Variants in MEI4 observed in about 807,000 individuals in gnomAD.
The protein encoded by MEI4 is meiosis-specific protein MEI4.
A neutral mutation model predicts 31.4 loss-of-function variants in MEI4; 27 were observed. The ratio of observed to expected loss-of-function variants is 0.86; its 90% confidence interval spans 0.63 to 1.19. The LOEUF (loss-of-function observed/expected upper bound fraction) is 1.19. Ranked by LOEUF, MEI4 falls within the 50% of genes most tolerant of loss-of-function variation. The pLI is 0.00. For synonymous variants in MEI4, 122 were observed against 145.4 expected (o/e 0.84, Z 1.16); for missense variants, 329 against 398.9 (o/e 0.82, Z 1.49).
intron 2 of MEI4, among the ~76,000 whole-genome samples, chr6:77,699,413 C>G (rs13191190): frequency 1.3e-5 from 2 of 151,410 alleles, no homozygotes; most frequent in African/African-American, 4.8e-5. Context: ...GGGATGGTCT[C>G]GATCTCCTGA....
At chr6:77,662,910 T>A (rs1562196297) in intron 1 of MEI4, among the ~76,000 whole-genome samples, 1 of 152,146 alleles carries the variant, frequency 6.6e-6, no homozygotes. Flanking sequence ...ATGGGGGCTG[T>A]CTGTGAAGCT....
intron 4 of MEI4, among the ~76,000 whole-genome samples, chr6:77,905,649 A>G (rs1350359855): frequency 2.0e-5 from 3 of 151,570 alleles, no homozygotes; most frequent in Non-Finnish European, 2.9e-5. Flanking sequence ...GATGTGTGCC[A>G]GCATGCCTAG....
intron 2 of MEI4, among the ~76,000 whole-genome samples, chr6:77,730,168 T>A (rs1391130838): frequency 1.3e-5 from 2 of 152,090 alleles, no homozygotes; most frequent in Non-Finnish European, 2.9e-5. Context: ...GCTGTGTGTT[T>A]GGCGTGTACA....
chr6:77,867,985 G>A (rs148286053), intron 4 of MEI4, among the ~76,000 whole-genome samples: 1,575 of 151,306 alleles, frequency 0.01, 26 homozygotes, highest in African/African-American at 0.035. Flanking sequence ...ACCAAACACC[G>A]CATGTTCTCA....
At chr6:77,738,069 G>A (rs527936157) in intron 2 of MEI4, among the ~76,000 whole-genome samples, 3 of 152,266 alleles carry the variant, frequency 2.0e-5, no homozygotes, top group South Asian at 2.1e-4. Context: ...GGACATCCAC[G>A]AAACTGGAAT....
At chr6:77,725,029 G>A (rs1365000767) in intron 2 of MEI4, among the ~76,000 whole-genome samples, 1 of 131,526 alleles carries the variant, frequency 7.6e-6, no homozygotes, top group South Asian at 2.4e-4. Flanking sequence ...CATACTGTAA[G>A]TGGAATGATA....
At chr6:77,752,450 C>T (rs1208629098) in intron 2 of MEI4, among the ~76,000 whole-genome samples, 2 of 152,154 alleles carry the variant, frequency 1.3e-5, no homozygotes, top group African/African-American at 4.8e-5. Context: ...AAATCACAAG[C>T]ATTCTTATAC....
chr6:77,692,727 T>C (rs1327723739), intron 2 of MEI4, among the ~76,000 whole-genome samples: 3 of 152,042 alleles, frequency 2.0e-5, no homozygotes, highest in Non-Finnish European at 4.4e-5. Flanking sequence ...ACTGAATGGA[T>C]TGTGATACTT....
intron 2 of MEI4, among the ~76,000 whole-genome samples, chr6:77,757,701 T>C (rs1238427039): frequency 6.6e-6 from 1 of 152,260 alleles, no homozygotes; most frequent in Non-Finnish European, 1.5e-5. Context: ...ATGCAATTGT[T>C]CTGTTTTTTA....
Position 77,885,264 on chromosome 6 carries a change from C to G in MEI4, c.901-37825C>G, listed in dbSNP as rs551749292. Among the ~76,000 whole-genome samples, 213 of 151,868 alleles carry G rather than the reference C, an allele frequency of 1.4e-3. 1 individual carries two copies. Among genetic ancestry groups the G allele is most frequent in the African/African-American group, 4.5e-3 (187 of 41,396 alleles). On this transcript the variant is annotated intron_variant, in intron 4 of 4. Transcript: ENST00000684080. ...GCAGTGGTGCAGTCATAGCTCACTG[C>G]AGCCTCAACCTTCCAGGCTCAAGCA...
intron 4 of MEI4, among the ~76,000 whole-genome samples, chr6:77,910,169 A>C (rs1283325133): frequency 2.0e-5 from 3 of 152,172 alleles, no homozygotes; most frequent in African/African-American, 7.2e-5. Flanking sequence ...GCCCTCTCTC[A>C]GCACTCCTAT....
intron 2 of MEI4, among the ~76,000 whole-genome samples, chr6:77,692,259 C>T (rs576977593): frequency 3.3e-5 from 5 of 152,078 alleles, no homozygotes; most frequent in African/African-American, 1.2e-4. Flanking sequence ...TCTAGTGGAC[C>T]CCCACTAGTT....
At chr6:77,827,201 A>T (rs968928873) in intron 3 of MEI4, among the ~76,000 whole-genome samples, 1 of 151,860 alleles carries the variant, frequency 6.6e-6, no homozygotes, top group African/African-American at 2.4e-5. Flanking sequence ...TCTACTAAAA[A>T]TACAAAAAAT....
chr6:77,744,712 C>T (rs1244373372), intron 2 of MEI4, among the ~76,000 whole-genome samples: 3 of 152,052 alleles, frequency 2.0e-5, no homozygotes. Flanking sequence ...TTAAGGGCAG[C>T]CAGAGAGAAA....
intron 2 of MEI4, among the ~76,000 whole-genome samples, chr6:77,732,351 G>C (rs538026145): frequency 1.3e-5 from 2 of 152,126 alleles, no homozygotes; most frequent in South Asian, 4.2e-4. Context: ...CACATCCCTT[G>C]TAATTTGGAT....
rs565150197 is a variant in MEI4 at position 77,654,856 on chromosome 6, G to C, written c.-15+1764G>C. Among the ~76,000 whole-genome samples, 7 of 151,834 alleles carry C rather than the reference G, an allele frequency of 4.6e-5. No homozygotes were observed. The South Asian group carries it at 1.3e-3, about 27-fold the overall frequency. ...TACCATCTCTATGTGTTTAAAACAG[G>C]GTGGCTAGAAAAGAAGCTCTTTTTC... On this transcript the variant is annotated intron_variant, in intron 1 of 4. Transcript: ENST00000684080.
chr6:77,875,057 C>G (rs936436282), intron 4 of MEI4, among the ~76,000 whole-genome samples: 1 of 152,038 alleles, frequency 6.6e-6, no homozygotes, highest in African/African-American at 2.4e-5. Flanking sequence ...TCTAACCCAC[C>G]TCATGCTAAT....
intron 4 of MEI4, among the ~76,000 whole-genome samples, chr6:77,905,672 A>C (rs534579750): frequency 9.3e-5 from 14 of 150,658 alleles, no homozygotes; most frequent in Admixed American, 6.6e-4. Flanking sequence ...AATTTTTTGT[A>C]TGTTTAGTAG....
At chr6:77,665,171 C>T (rs913776650) in intron 1 of MEI4, among the ~76,000 whole-genome samples, 9 of 148,814 alleles carry the variant, frequency 6.0e-5, no homozygotes, top group African/African-American at 1.3e-4. Flanking sequence ...AATAAGGAGT[C>T]GAGGCACGGA....
Sources: allele counts gnomAD v4.1 joint callset (sites outside exome capture counted in the v4.1 genomes callset), GRCh38; gene constraint gnomAD v4.1.1; transcripts MANE v1.5; gene names NCBI Gene and HGNC (gene_info 2026-07-23, HGNC 2026-07-21).